Variants in NTRK1 observed in about 807,000 individuals in gnomAD.
NTRK1 encodes neurotrophic receptor tyrosine kinase 1.
A neutral mutation model predicts 86.8 loss-of-function variants in NTRK1; 62 were observed. The ratio of observed to expected loss-of-function variants is 0.71; its 90% confidence interval spans 0.58 to 0.88. The LOEUF (loss-of-function observed/expected upper bound fraction) is 0.88. Ranked by LOEUF, NTRK1 falls within the 40% of genes least tolerant of loss-of-function variation. The pLI is 0.00. For synonymous variants in NTRK1, 469 were observed against 456.6 expected, an observed-to-expected ratio of 1.03 and a Z score of -0.35; for missense variants, 967 against 1,078.4, an observed-to-expected ratio of 0.90 and a Z score of 1.45.
In NTRK1 at chr1:156,871,769, G is replaced by A. The variant is rs1206102847; in HGVS notation, c.850+14G>A. ...TCAACGTCTCCTGTGAGTCTCAGTG[G>A]CAGCTCCGGCACCCACCCCCTACTC... On this transcript the variant is annotated intron_variant, in intron 7 of 16. Coordinates refer to ENST00000524377, the MANE Select transcript of NTRK1 (RefSeq NM_002529.4). 2 of 1,614,090 alleles carry A rather than the reference G, an allele frequency of 1.2e-6. No individual in the cohort carries two copies. Among genetic ancestry groups the A allele is most frequent in the South Asian group, 1.1e-5 (1 of 91,082 alleles).
chr1:156,876,102 G>C lies in NTRK1; in HGVS notation c.1524G>C (p.Arg508=), dbSNP rs755354224. ...SDACVHHIKR[R]DIVLKWELGE... ...CAGGTGTTCACCACATCAAGCGCCG[G>C]GACATCGTGCTCAAGTGGGAGCTGG... The change falls in exon 13 of 17, where the codon CGG becomes CGC. Residue 508 remains arginine, a synonymous_variant. Coordinates refer to ENST00000524377, the MANE Select transcript of NTRK1 (RefSeq NM_002529.4). The C allele has an allele frequency of 1.2e-6, 2 of 1,614,198 alleles. No individual in the cohort carries two copies. Among genetic ancestry groups the C allele is most frequent in the Non-Finnish European group, 8.5e-7 (1 of 1,180,030 alleles).
At chr1:156,850,846 C>T (rs754333668) in intron 2 of NTRK1, among the ~76,000 whole-genome samples, 3 of 152,152 alleles carry the variant, frequency 2.0e-5, no homozygotes, top group African/African-American at 7.2e-5. Context: ...TGTGAGCCAC[C>T]GTGCCTGGCT....
intron 16 of NTRK1, chr1:156,880,654 G>A (rs1436527686): frequency 1.3e-5 from 2 of 159,362 alleles, no homozygotes; most frequent in African/African-American, 4.8e-5. Flanking sequence ...CCCCCTGCTT[G>A]GCTCGCAGCT....
intron 4 of NTRK1, 115 bp downstream of exon 4, chr1:156,867,093 C>G: frequency 9.3e-7 from 1 of 1,079,784 alleles, no homozygotes; most frequent in Non-Finnish European, 1.4e-6. Flanking sequence ...TGGGGGGTCT[C>G]TTTGGGGACT....
chr1:156,851,288 A>G, intron 2 of NTRK1: 2 of 1,614,038 alleles, frequency 1.2e-6, no homozygotes, highest in Admixed American at 1.7e-5. Context: ...CCTAACCCTT[A>G]CCCATCCACC....
At chr1:156,867,607 A>G (rs1470906278) in intron 4 of NTRK1, among the ~76,000 whole-genome samples, 3 of 145,398 alleles carry the variant, frequency 2.1e-5, no homozygotes, top group Non-Finnish European at 3.0e-5. Context: ...TGCCGGGATA[A>G]CAGGTGTGAG....
chr1:156,858,952 G>C, upstream of NTRK1: 1 of 299,388 alleles, frequency 3.3e-6, no homozygotes, highest in Non-Finnish European at 6.4e-6. Flanking sequence ...AAGGCAGGCC[G>C]AGAGGCCAGC....
intron 3 of NTRK1, 174 bp downstream of exon 3, chr1:156,864,973 C>A: frequency 1.5e-6 from 1 of 686,692 alleles, no homozygotes. Context: ...ATGGCATGCT[C>A]TCGCCCCTGA....
At chr1:156,876,245 G>A (rs745792765) in intron 13 of NTRK1, 35 bp downstream of exon 13, 3 of 1,613,226 alleles carry the variant, frequency 1.9e-6, no homozygotes, top group Non-Finnish European at 2.5e-6. Flanking sequence ...TGCTGGCCTG[G>A]GTCCCACCCC....
chr1:156,853,855 G>A lies in NTRK1; in HGVS notation c.51-10499G>A, dbSNP rs201403715. The A allele has an allele frequency of 2.5e-4, 397 of 1,614,024 alleles. 1 individual carries two copies. The highest frequency in any genetic ancestry group is 1.8e-3 in the Middle Eastern group (11 of 6,062). ...CAGCACCCAGCACACCAGGGCACACGTCAGCACACTCCTCGCCCAGCTTGT... is the reference window on the plus strand; with the variant it reads ...CAGCACCCAGCACACCAGGGCACACATCAGCACACTCCTCGCCCAGCTTGT... On this transcript the variant is annotated intron_variant, in intron 2 of 16. Transcript: ENST00000392302.
rs375989879 is a variant in NTRK1 at position 156,879,992 on chromosome 1, G to A, written c.2047-7G>A. On this transcript the variant is annotated splice_region_variant and splice_polypyrimidine_tract_variant and intron_variant, in intron 15 of 16. Transcript: ENST00000524377. Reference sequence around the variant, plus strand: ...CCTGGAATTGATGCAGTGTCCGCCCGTGGCAGGTGGGAGGCCGCACCATGC... The same window carrying A: ...CCTGGAATTGATGCAGTGTCCGCCCATGGCAGGTGGGAGGCCGCACCATGC... The A allele has an allele frequency of 1.2e-5, 20 of 1,612,394 alleles. No homozygotes were observed. The highest frequency in any genetic ancestry group is 5.3e-5 in the African/African-American group (4 of 74,888).
chr1:156,823,871 C>G (rs1007267175), intron 1 of NTRK1, among the ~76,000 whole-genome samples: 1 of 152,170 alleles, frequency 6.6e-6, no homozygotes, highest in African/African-American at 2.4e-5. Context: ...ATGAATTATC[C>G]TGCCCAGTGG....
chr1:156,845,253 C>A (rs375340161), intron 2 of NTRK1: 4 of 1,611,474 alleles, frequency 2.5e-6, no homozygotes, highest in Non-Finnish European at 3.4e-6. Flanking sequence ...CTGTTGCCCC[C>A]CAGCCGGAGG....
intron 2 of NTRK1, chr1:156,845,933 G>T: frequency 6.2e-7 from 1 of 1,607,692 alleles, no homozygotes; most frequent in Non-Finnish European, 8.5e-7. Context: ...CGGCCGGCCT[G>T]CGCGTCGTCC....
At chr1:156,850,632 G>C (rs540619091) in intron 2 of NTRK1, among the ~76,000 whole-genome samples, 13 of 127,352 alleles carry the variant, frequency 1.0e-4, no homozygotes, top group Non-Finnish European at 1.7e-4. Flanking sequence ...TCGGCTCACT[G>C]TAATCTCTAC....
At chr1:156,831,794 CAT>C (rs1188347114) in intron 1 of NTRK1, among the ~76,000 whole-genome samples, 1 of 152,214 alleles carries the variant, frequency 6.6e-6, no homozygotes, top group Non-Finnish European at 1.5e-5. Flanking sequence ...TTGAGGATCT[CAT>C]AGACTCTGAG....
intron 7 of NTRK1, among the ~76,000 whole-genome samples, chr1:156,872,744 C>T (rs1031171376): frequency 1.9e-4 from 28 of 149,818 alleles, no homozygotes; most frequent in Non-Finnish European, 3.8e-4. Flanking sequence ...GGCGCGCTCT[C>T]GGCTCACTTC....
chr1:156,841,628 C>T, intron 1 of NTRK1: 1 of 1,610,260 alleles, frequency 6.2e-7, no homozygotes, highest in Non-Finnish European at 8.5e-7. Flanking sequence ...ATCCCGCCTC[C>T]ACATCCCTGG....
intron 7 of NTRK1, among the ~76,000 whole-genome samples, chr1:156,873,018 AGT>A (rs55870362): frequency 0.052 from 6,855 of 130,894 alleles, 377 homozygotes; most frequent in African/African-American, 0.15. Flanking sequence ...TTTCAAAAAG[AGT>A]GTGTGTGTGT....
Sources: gnomAD v4.1 joint callset for allele counts (sites outside exome capture counted in the v4.1 genomes callset) on GRCh38, gnomAD v4.1.1 for gene constraint, MANE v1.5 for transcripts, NCBI Gene and HGNC (gene_info 2026-07-23, HGNC 2026-07-21) for gene names.